REV1: variants seen among roughly 807,000 people sequenced by gnomAD.
REV1 encodes translesion synthesis protein REV1.
Under a neutral mutation model 137.4 loss-of-function variants are expected in REV1, and 42 were observed. The observed-to-expected ratio is 0.31, with a 90% CI of 0.24 to 0.40. The LOEUF (loss-of-function observed/expected upper bound fraction) is 0.40. Among genes scored for constraint, REV1 ranks in the 10% least tolerant of loss-of-function variants. The pLI is 1.00. For synonymous variants in REV1, 524 were observed against 519.2 expected (o/e 1.01, Z -0.12); for missense variants, 1,282 against 1,490.1 (o/e 0.86, Z 2.30).
chr2:99,403,769 T>C lies in REV1; in HGVS notation c.3092A>G (p.Glu1031Gly). 1 of 1,614,164 alleles carries C rather than the reference T, an allele frequency of 6.2e-7. No homozygotes were observed. Among genetic ancestry groups the C allele is most frequent in the Non-Finnish European group, 8.5e-7 (1 of 1,180,028 alleles). The change falls in exon 19 of 23, where the codon GAG becomes GGG. Residue 1031 changes from glutamate to glycine, a missense_variant. Physicochemically the swap from Glu to Gly is moderately conservative, Grantham distance 98. This residue lies in a region of REV1 where 23 missense variants were observed against 46.3 expected (regional missense o/e 0.50). Coordinates refer to ENST00000258428, the MANE Select transcript of REV1 (RefSeq NM_016316.4). ...FAALPAELQR[E>G]LKAAYDQRQR... ...TCTTTGATCATACGCTGCTTTCAGC[T>C]CCCTCTGAAGTTCAGCAGGAAGGGC...
chr2:99,434,004 C>G (rs879452008), intron 8 of REV1, among the ~76,000 whole-genome samples: 2 of 152,140 alleles, frequency 1.3e-5, no homozygotes, highest in African/African-American at 2.4e-5. Flanking sequence ...GCAAGACAAA[C>G]TTTAACATTC....
intron 19 of REV1, 97 bp downstream of exon 19, chr2:99,403,598 G>A: frequency 6.7e-7 from 1 of 1,500,570 alleles, no homozygotes; most frequent in Admixed American, 1.7e-5. Flanking sequence ...TAATGCAACA[G>A]CTTAGACTTT....
chr2:99,487,586 A>G (rs1163863208), intron 1 of REV1, among the ~76,000 whole-genome samples: 1 of 119,264 alleles, frequency 8.4e-6, no homozygotes, highest in African/African-American at 3.0e-5. Context: ...TTGGAAAAAA[A>G]TAAGATTATT....
At chr2:99,442,276 A>AAG (rs775187386) in intron 5 of REV1, 41 bp downstream of exon 5, 17 of 1,482,926 alleles carry the variant, frequency 1.1e-5, no homozygotes, top group Non-Finnish European at 1.4e-5. Flanking sequence ...AAAAAAAAAA[A>AAG]CCAACCAGCT....
intron 4 of REV1, among the ~76,000 whole-genome samples, chr2:99,443,912 G>A (rs1006198981): frequency 4.6e-5 from 7 of 151,754 alleles, no homozygotes; most frequent in Admixed American, 1.3e-4. Flanking sequence ...GCGCGATCTC[G>A]GCTTCACGCC....
intron 1 of REV1, among the ~76,000 whole-genome samples, chr2:99,471,258 T>C (rs1438808481): frequency 1.3e-5 from 2 of 152,196 alleles, no homozygotes; most frequent in Non-Finnish European, 2.9e-5. Flanking sequence ...ACTAAGGAAC[T>C]GGTTAATAAA....
At chr2:99,489,502 C>T (rs1687463748) in intron 1 of REV1, among the ~76,000 whole-genome samples, 1 of 91,820 alleles carries the variant, frequency 1.1e-5, no homozygotes, top group Admixed American at 1.2e-4. Flanking sequence ...AGGGCCGCTG[C>T]GCCAGGGGTC....
intron 11 of REV1, 46 bp from the exon 12 acceptor site, chr2:99,418,993 T>A (rs763508671): frequency 1.3e-6 from 2 of 1,481,664 alleles, no homozygotes; most frequent in South Asian, 1.2e-5. Context: ...AATTATTTTT[T>A]AAATTTCTCA....
Position 99,403,074 on chromosome 2 carries a change from C to T in REV1, c.3199G>A (p.Ala1067Thr). ...TTGTTTCTTTTCTTTTCTTTCACTGCTGCCTTTAGATGAAGTAAAGGATTC... is the reference window on the plus strand; with the variant it reads ...TTGTTTCTTTTCTTTTCTTTCACTGTTGCCTTTAGATGAAGTAAAGGATTC... ...PKNPLLHLKA[A>T]VKEKKRNKKK... The change falls in exon 20 of 23, where the codon GCA (alanine) becomes ACA (threonine). Residue 1067 changes from alanine to threonine, a missense_variant. Ala to Thr is a moderately conservative substitution (Grantham distance 58). Transcript: ENST00000258428. The T allele has an allele frequency of 6.2e-7, 1 of 1,612,102 alleles. No individual in the cohort carries two copies. The highest frequency in any genetic ancestry group is 8.5e-7 in the Non-Finnish European group (1 of 1,179,148).
At chr2:99,431,652 G>T in intron 8 of REV1, 1 of 814,620 alleles carries the variant, frequency 1.2e-6, no homozygotes, top group Non-Finnish European at 1.5e-6. Context: ...TTATGCTTGA[G>T]GAGAGAACAG....
At chr2:99,417,925 A>G (rs1678112067) in intron 12 of REV1, among the ~76,000 whole-genome samples, 1 of 152,170 alleles carries the variant, frequency 6.6e-6, no homozygotes, top group Non-Finnish European at 1.5e-5. Flanking sequence ...GTATTCTCAA[A>G]TTAAATGTGA....
At chr2:99,435,691 C>G (rs906244815) in intron 7 of REV1, 143 bp downstream of exon 7, 10 of 536,778 alleles carry the variant, frequency 1.9e-5, no homozygotes, top group Non-Finnish European at 3.3e-5. Flanking sequence ...TATACCTTCC[C>G]TGATAATCGA....
intron 14 of REV1, among the ~76,000 whole-genome samples, chr2:99,409,279 A>T (rs1676769875): frequency 6.6e-6 from 1 of 152,226 alleles, no homozygotes; most frequent in Admixed American, 6.5e-5. Flanking sequence ...TTTCATGGTA[A>T]CTTGGGAGTT....
chr2:99,476,517 T>C (rs775091918), intron 1 of REV1, among the ~76,000 whole-genome samples: 34 of 151,710 alleles, frequency 2.2e-4, no homozygotes, highest in African/African-American at 5.6e-4. Context: ...GATTGCGCCA[T>C]TGCACTCCAG....
chr2:99,471,060 T>G (rs1685355370), intron 1 of REV1, among the ~76,000 whole-genome samples: 1 of 152,226 alleles, frequency 6.6e-6, no homozygotes, highest in South Asian at 2.1e-4. Flanking sequence ...CACATTATAG[T>G]AGCATAACAT....
intron 7 of REV1, chr2:99,435,397 C>G (rs1427138528): frequency 6.5e-6 from 1 of 152,798 alleles, no homozygotes; most frequent in African/African-American, 2.4e-5. Context: ...TAGCAATATT[C>G]AATAATGCAA....
intron 14 of REV1, 145 bp downstream of exon 14, chr2:99,410,550 G>A: frequency 2.9e-6 from 2 of 701,170 alleles, no homozygotes; most frequent in Non-Finnish European, 4.5e-6. Flanking sequence ...GAATGCCTTG[G>A]GCTGATGCCT....
chr2:99,453,899 A>C (rs1683216840), intron 3 of REV1, among the ~76,000 whole-genome samples: 1 of 141,624 alleles, frequency 7.1e-6, no homozygotes. Context: ...TCTCAAAAAA[A>C]AAAAAAAAAA....
chr2:99,418,003 C>T (rs566988998), intron 12 of REV1, among the ~76,000 whole-genome samples: 30 of 152,106 alleles, frequency 2.0e-4, no homozygotes, highest in African/African-American at 4.8e-4. Flanking sequence ...TTATATACTA[C>T]GGGGGTCAGG....
Sources: allele counts gnomAD v4.1 joint callset (sites outside exome capture counted in the v4.1 genomes callset), GRCh38; gene constraint gnomAD v4.1.1; regional missense constraint gnomAD v4.1.1; transcripts MANE v1.5; gene names NCBI Gene and HGNC (gene_info 2026-07-23, HGNC 2026-07-21).